Variants in EML4 observed in about 807,000 individuals in gnomAD.
EML4 encodes EMAP like 4.
Under a neutral mutation model 129.0 loss-of-function variants are expected in EML4, and 72 were observed. The observed-to-expected ratio is 0.56, with a 90% CI of 0.46 to 0.68. The LOEUF (loss-of-function observed/expected upper bound fraction) is 0.68, where lower values mean the gene tolerates loss of function less well. Ranked by LOEUF, EML4 falls within the 30% of genes least tolerant of loss-of-function variation. The pLI is 0.00. For synonymous variants in EML4, 532 were observed against 405.0 expected (o/e 1.31, Z -3.77); for missense variants, 1,363 against 1,190.6 (o/e 1.14, Z -2.13).
chr2:42,196,270 C>T (rs974447841), intron 1 of EML4, among the ~76,000 whole-genome samples: 1 of 152,142 alleles, frequency 6.6e-6, no homozygotes, highest in African/African-American at 2.4e-5. Flanking sequence ...CTTGCAAGAT[C>T]AGATTAAAAG....
chr2:42,269,493 C>T (rs970803014), intron 6 of EML4, among the ~76,000 whole-genome samples: 1 of 152,140 alleles, frequency 6.6e-6, no homozygotes, highest in African/African-American at 2.4e-5. Flanking sequence ...GTGGAACTTA[C>T]ATTCATGCTC....
chr2:42,328,755 GA>G, intron 21 of EML4, 130 bp from the exon 22 acceptor site: 1 of 685,082 alleles, frequency 1.5e-6, no homozygotes, highest in Non-Finnish European at 2.2e-6. Context: ...ATTTGTAAAG[GA>G]AATGTTAACA....
Position 42,329,950 on chromosome 2 carries a change from A to T in EML4, c.2689A>T (p.Thr897Ser). ...CACTGAAAGTGTCATCCAATCTAATACTCCCACACCGCCTCCTTCTCAGCC... is the reference window on the plus strand; with the variant it reads ...CACTGAAAGTGTCATCCAATCTAATTCTCCCACACCGCCTCCTTCTCAGCC... ...SSTESVIQSN[T>S]PTPPPSQPLN... The change falls in exon 23 of 23, where the codon ACT becomes TCT. Residue 897 changes from threonine (T) to serine (S), a missense_variant. Physicochemically the swap from Thr to Ser is moderately conservative, Grantham distance 58 (BLOSUM62 1). Transcript: ENST00000318522. 1.2e-6 allele frequency: 2 copies of T among 1,613,550 alleles called. No homozygotes were observed. The highest frequency in any genetic ancestry group is 1.7e-6 in the Non-Finnish European group (2 of 1,179,940).
chr2:42,315,465 C>T (rs1669194728), intron 17 of EML4, among the ~76,000 whole-genome samples: 1 of 152,052 alleles, frequency 6.6e-6, no homozygotes, highest in Admixed American at 6.6e-5. Context: ...TGTCTAGGCC[C>T]ATGTATATTT....
rs564447738 is a variant in EML4 at position 42,310,341 on chromosome 2, C to T, written c.1968-5621C>T. 3.3e-5 allele frequency among the ~76,000 whole-genome samples: 5 copies of T among 151,734 alleles called. No homozygotes were observed. The South Asian group carries it at 8.4e-4, about 25-fold the overall frequency. Reference sequence around the variant, plus strand: ...TCCCTTTCCCTTCCCCTTCTCCTTCCCCTTCCCCTTCCCTTTTCCCTTTTG... The same window carrying T: ...TCCCTTTCCCTTCCCCTTCTCCTTCTCCTTCCCCTTCCCTTTTCCCTTTTG... On this transcript the variant is annotated intron_variant, in intron 17 of 22. Transcript: ENST00000318522.
chr2:42,180,986 T>C (rs535598002), intron 1 of EML4, among the ~76,000 whole-genome samples: 2 of 152,370 alleles, frequency 1.3e-5, no homozygotes, highest in Admixed American at 6.5e-5. Flanking sequence ...ATTCAAATTA[T>C]GCAATTTTGG....
intron 6 of EML4, among the ~76,000 whole-genome samples, chr2:42,267,259 C>T (rs1666112732): frequency 6.6e-6 from 1 of 152,114 alleles, no homozygotes; most frequent in African/African-American, 2.4e-5. Context: ...TAAAACCTTG[C>T]ACTCAGATTT....
intron 13 of EML4, 70 bp downstream of exon 13, chr2:42,295,586 G>C: frequency 2.2e-6 from 3 of 1,385,480 alleles, no homozygotes; most frequent in East Asian, 2.4e-5. Context: ...CCATCTCTTA[G>C]ACCAGGAGAG....
chr2:42,320,903 G>C (rs914815171), intron 19 of EML4, among the ~76,000 whole-genome samples: 2 of 152,100 alleles, frequency 1.3e-5, no homozygotes, highest in African/African-American at 4.8e-5. Context: ...TAGGCAAGAA[G>C]TGCTGGTAAA....
At chr2:42,236,355 T>C (rs777098012) in intron 1 of EML4, among the ~76,000 whole-genome samples, 1 of 152,248 alleles carries the variant, frequency 6.6e-6, no homozygotes. Context: ...CCAATTTGTT[T>C]TTATGATGAA....
chr2:42,298,709 G>GT (rs1333263326), intron 13 of EML4, among the ~76,000 whole-genome samples: 1 of 151,416 alleles, frequency 6.6e-6, no homozygotes, highest in Non-Finnish European at 1.5e-5. Flanking sequence ...TTTTTTTCCA[G>GT]TTTTCCATCA....
In EML4 at chr2:42,329,772, C is replaced by T. The variant is rs964326749; in HGVS notation, c.2511C>T (p.Val837=). ...SHKYSAHSSH[V]TNVSFTHNDS... is the part of the protein sequence containing the mutation. The stretch of plus-strand genomic sequence containing the variant: ...AGTACAGTGCCCACAGCAGCCATGT[C>T]ACCAATGTCAGTTTTACTCACAATG... Residue 837 remains valine (V), a synonymous_variant, in exon 23 of 23, where the codon GTC becomes GTT. Transcript: ENST00000318522. The T allele has an allele frequency of 6.2e-7, 1 of 1,614,152 alleles. No individual in the cohort carries two copies. Among genetic ancestry groups the T allele is most frequent in the Admixed American group, 1.7e-5 (1 of 60,024 alleles).
At chr2:42,264,123 T>G (rs1176373259) in intron 5 of EML4, among the ~76,000 whole-genome samples, 2 of 147,232 alleles carry the variant, frequency 1.4e-5, no homozygotes, top group African/African-American at 5.0e-5. Flanking sequence ...TTTTTTTTTT[T>G]TTTTTTGAGA....
chr2:42,311,066 G>T (rs1288600840), intron 17 of EML4, among the ~76,000 whole-genome samples: 4 of 152,140 alleles, frequency 2.6e-5, no homozygotes, highest in East Asian at 1.9e-4. Context: ...TTTGGTGGGG[G>T]TTTTTTGGTT....
chr2:42,276,885 G>T (rs1034943383), intron 6 of EML4, among the ~76,000 whole-genome samples: 3 of 152,166 alleles, frequency 2.0e-5, no homozygotes, highest in African/African-American at 7.2e-5. Flanking sequence ...CCAATTTATA[G>T]ATAGTGAAAG....
At chr2:42,202,145 C>A (rs377077953) in intron 1 of EML4, among the ~76,000 whole-genome samples, 1 of 150,774 alleles carries the variant, frequency 6.6e-6, no homozygotes, top group Admixed American at 6.6e-5. Context: ...GGGGTGTAGA[C>A]AGGGAAAGGA....
intron 1 of EML4, chr2:42,170,286 A>G (rs1670192018): frequency 6.6e-6 from 1 of 152,296 alleles, no homozygotes; most frequent in African/African-American, 2.4e-5. Flanking sequence ...TCATTTGCTT[A>G]ATGCAGGAAA....
At chr2:42,194,191 C>CT (rs143716134) in intron 1 of EML4, among the ~76,000 whole-genome samples, 5,116 of 152,012 alleles carry the variant, frequency 0.034, 288 homozygotes, top group African/African-American at 0.11. Context: ...ATGGGATATC[C>CT]TGTGGTGTTT....
intron 1 of EML4, among the ~76,000 whole-genome samples, chr2:42,178,962 G>C (rs1670776171): frequency 6.6e-6 from 1 of 152,166 alleles, no homozygotes; most frequent in Admixed American, 6.5e-5. Flanking sequence ...TAAATCTAGG[G>C]GGATATTTTG....
Sources: gnomAD v4.1 joint callset for allele counts (sites outside exome capture counted in the v4.1 genomes callset) on GRCh38, gnomAD v4.1.1 for gene constraint, MANE v1.5 for transcripts, NCBI Gene and HGNC (gene_info 2026-07-23, HGNC 2026-07-21) for gene names.